MYO1C: variants seen among roughly 807,000 people sequenced by gnomAD.
MYO1C encodes the protein myosin IC.
Under a neutral mutation model 150.8 loss-of-function variants are expected in MYO1C, and 104 were observed. The ratio of observed to expected loss-of-function variants is 0.69; its 90% CI spans 0.59 to 0.81. The LOEUF (loss-of-function observed/expected upper bound fraction) is 0.81. Among genes scored for constraint, MYO1C ranks in the 30% least tolerant of loss-of-function variants. The pLI is 0.00. For missense variants in MYO1C, 1,504 were observed against 1,435.0 expected, an observed-to-expected ratio of 1.05 and a Z score of -0.78; for synonymous variants, 663 against 579.9, an observed-to-expected ratio of 1.14 and a Z score of -2.06.
In MYO1C at chr17:1,468,415, T is replaced by A; in HGVS notation, c.2692A>T (p.Ser898Cys). ...GTCAGGGGCTCACCAAGCCGAGTGC[T>A]GATGAAGAGCCTGGGTACACTCTGA... ...YPQSVPRLFI[S>C]TRLGTDEISP... Residue 898 changes from serine (S) to cysteine (C), a missense_variant, in exon 26 of 32, where the codon AGC becomes TGC. Coordinates refer to ENST00000648651, the MANE Select transcript of MYO1C (RefSeq NM_001080779.2). 1 of 1,614,016 alleles carries A rather than the reference T, an allele frequency of 6.2e-7. No individual in the cohort carries two copies. Among genetic ancestry groups the A allele is most frequent in the Non-Finnish European group, 8.5e-7 (1 of 1,179,948 alleles).
intron 31 of MYO1C, 29 bp from the exon 32 acceptor site, chr17:1,465,781 G>A (rs1295121208): frequency 7.6e-7 from 1 of 1,316,616 alleles, no homozygotes; most frequent in Non-Finnish European, 9.8e-7. Flanking sequence ...ACGGCCAAGT[G>A]GTGAGGGGAG....
rs1047464311 is a variant in MYO1C, at chr17:1,464,191, A to G, written c.*1535T>C. 3.3e-5 allele frequency: 5 copies of G among 152,658 alleles called. No individual in the cohort carries two copies. The highest frequency in any genetic ancestry group is 1.2e-4 in the African/African-American group (5 of 41,462). 9.5% of individuals were successfully genotyped at this position (152,658 alleles called of 1,614,324 possible). ...ATATTCATAAGGAGACCACATTGGC[A>G]AACACGTATTGCTTTATTTAGTGTT... On this transcript the variant is annotated 3_prime_UTR_variant, in exon 32 of 32. Transcript: ENST00000648651.
chr17:1,473,194 C>T (rs1031508237), intron 17 of MYO1C, among the ~76,000 whole-genome samples: 9 of 152,142 alleles, frequency 5.9e-5, no homozygotes, highest in African/African-American at 2.2e-4. Context: ...AGCGAGACTC[C>T]GTCTCAAAAA....
chr17:1,478,174 G>T lies in MYO1C; in HGVS notation c.1314C>A (p.Ile438=), dbSNP rs771277501. The change falls in exon 12 of 32, where the codon ATC becomes ATA. Residue 438 remains isoleucine, a synonymous_variant. Coordinates refer to ENST00000648651, the MANE Select transcript of MYO1C (RefSeq NM_001080779.2). This position sits in a 1 kb window ranked among gnomAD's most constrained non-coding sequence, Gnocchi z 6.3. ...GCTGCAGCTTCTCGTTGCAGTAATT[G>T]ATGCAGAACTGCTCAAAGCTGTAAG... ...FQHNSFEQFC[I]NYCNEKLQQL... 18 of 1,613,892 alleles carry T rather than the reference G, an allele frequency of 1.1e-5. No individual in the cohort carries two copies. Among genetic ancestry groups the T allele is most frequent in the Non-Finnish European group, 1.5e-5 (18 of 1,180,002 alleles).
In MYO1C at chr17:1,468,556, A is replaced by C. The variant is rs1598320985; in HGVS notation, c.2611-60T>G. The C allele has an allele frequency of 2.6e-5, 37 of 1,409,182 alleles. No individual in the cohort carries two copies. In the East Asian group the frequency reaches 8.2e-4, roughly 31 times the overall value. The allele number at this position is 1,409,182 out of a possible 1,614,324, so 87.3% of individuals were successfully genotyped here. On this transcript the variant is annotated intron_variant, in intron 25 of 31. Coordinates refer to ENST00000648651, the MANE Select transcript of MYO1C (RefSeq NM_001080779.2). Reference sequence around the variant, plus strand: ...GTGGGGAGCACCATCTTGGGGGGGCAGAGCCAGCCTTAGGACCTGAGACAG... The same window carrying C: ...GTGGGGAGCACCATCTTGGGGGGGCCGAGCCAGCCTTAGGACCTGAGACAG...
chr17:1,488,130 C>A (rs1034621314), intron 1 of MYO1C, among the ~76,000 whole-genome samples: 1 of 152,112 alleles, frequency 6.6e-6, no homozygotes, highest in Non-Finnish European at 1.5e-5. Flanking sequence ...GAGGACGGGG[C>A]GGAGCTTCGC....
rs1287067998 is a variant in MYO1C, at chr17:1,474,843, T to G, written c.1685A>C (p.Asn562Thr). The G allele has an allele frequency of 1.1e-4, 175 of 1,613,628 alleles. No individual in the cohort carries two copies. Among genetic ancestry groups the G allele is most frequent in the Non-Finnish European group, 1.4e-4 (170 of 1,179,930 alleles). ...AAGGTTCCGGAAGAGAAGGTCATTG[T>G]TTTTGTCCAGAAACCCTGGGAGGGG... ...TYSVTGFLDKNNDLLFRNLKE... is the reference protein window; with the variant it reads ...TYSVTGFLDKTNDLLFRNLKE... The change falls in exon 16 of 32, where the codon AAC (asparagine) becomes ACC (threonine). Residue 562 changes from asparagine (N) to threonine (T), a missense_variant. By Grantham distance (65) the Asn-to-Thr change is moderately conservative. Coordinates refer to ENST00000648651, the MANE Select transcript of MYO1C (RefSeq NM_001080779.2).
Position 1,482,976 on chromosome 17 carries a change from G to A in MYO1C, c.431C>T (p.Ala144Val). ...QAVMISGESG[A>V]GKTEATKRLL... ...CCTCTTGGTGGCCTCGGTCTTGCCT[G>A]CCCCGCTCTCCCCAGAGATCATCAC... The change falls in exon 4 of 32, where the codon GCA becomes GTA. Residue 144 changes from alanine to valine, a missense_variant. Transcript: ENST00000648651. The A allele has an allele frequency of 1.2e-6, 2 of 1,612,548 alleles. No homozygotes were observed. Among genetic ancestry groups the A allele is most frequent in the South Asian group, 1.1e-5 (1 of 90,996 alleles).
chr17:1,484,598 T>C (rs181656893), intron 1 of MYO1C: 2 of 554,524 alleles, frequency 3.6e-6, no homozygotes, highest in East Asian at 6.2e-5. Context: ...ACACAGGGCA[T>C]GGACGCAGGC....
rs984957160 is a variant in MYO1C, at chr17:1,478,034, C to A, written c.1401+53G>T. On this transcript the variant is annotated intron_variant, in intron 12 of 31. Coordinates refer to ENST00000648651, the MANE Select transcript of MYO1C (RefSeq NM_001080779.2). This position sits in a 1 kb window ranked among gnomAD's most constrained non-coding sequence, Gnocchi z 6.3. ...TCCTGGCACCCTCTCCCAGGGGCCC[C>A]GATACCCAGGCTCCCCGTGGCCCAC... 1.9e-6 allele frequency: 3 copies of A among 1,612,462 alleles called. No homozygotes were observed. Among genetic ancestry groups the A allele is most frequent in the Non-Finnish European group, 2.5e-6 (3 of 1,178,690 alleles).
intron 2 of MYO1C, 47 bp downstream of exon 2, chr17:1,484,101 G>C (rs780581065): frequency 1.9e-6 from 3 of 1,605,792 alleles, no homozygotes; most frequent in Non-Finnish European, 2.5e-6. Flanking sequence ...CCGCTTGCCT[G>C]TGTCTGTGAC....
intron 14 of MYO1C, 93 bp from the exon 15 acceptor site, chr17:1,475,125 C>G (rs1363203412): frequency 1.5e-6 from 2 of 1,291,160 alleles, no homozygotes; most frequent in Non-Finnish European, 2.2e-6. Context: ...AACCAGCTGC[C>G]CAGGTGCACC....
chr17:1,466,338 T>C (rs1175194329), intron 31 of MYO1C, among the ~76,000 whole-genome samples: 2 of 152,032 alleles, frequency 1.3e-5, no homozygotes, highest in Non-Finnish European at 2.9e-5. Flanking sequence ...CTTTTTTGTA[T>C]ACAAATTCTG....
intron 14 of MYO1C, 93 bp downstream of exon 14, chr17:1,477,412 G>T: frequency 8.7e-7 from 1 of 1,153,218 alleles, no homozygotes. Flanking sequence ...CCTCCTTGTG[G>T]CTGGTGTTTT....
intron 1 of MYO1C, chr17:1,484,872 T>TCCCCC: frequency 2.9e-6 from 1 of 341,200 alleles, no homozygotes; most frequent in Non-Finnish European, 5.6e-6. Context: ...GGGCCGTCTC[T>TCCCCC]CCCACCCAGA....
At chr17:1,469,399 G>C in intron 25 of MYO1C, 132 bp downstream of exon 25, 1 of 887,578 alleles carries the variant, frequency 1.1e-6, no homozygotes, top group Non-Finnish European at 1.8e-6. Context: ...ACGGTAGATC[G>C]GGGTAAATAC....
At chr17:1,485,673 C>T (rs1180222984) in intron 1 of MYO1C, 1 of 1,211,984 alleles carries the variant, frequency 8.3e-7, no homozygotes, top group Non-Finnish European at 1.0e-6. Flanking sequence ...CCCCGCCCTG[C>T]CCCGCCGCCC....
chr17:1,478,468 T>C lies in MYO1C; in HGVS notation c.1237A>G (p.Ser413Gly). 1 of 1,614,142 alleles carries C rather than the reference T, an allele frequency of 6.2e-7. No individual in the cohort carries two copies. Among genetic ancestry groups the C allele is most frequent in the Non-Finnish European group, 8.5e-7 (1 of 1,180,032 alleles). Reference sequence around the variant, plus strand: ...TCCAGGAGCCCGAGAACCGTGGTGCTCCGCCAGCTGGGGCTCTCCACGTCC... The same window carrying C: ...TCCAGGAGCCCGAGAACCGTGGTGCCCCGCCAGCTGGGGCTCTCCACGTCC... The part of the protein sequence containing the change: ...SKDVESPSWR[S>G]TTVLGLLDIY... Residue 413 changes from serine to glycine, a missense_variant, in exon 11 of 32, where the codon AGC (serine) becomes GGC (glycine). Ser to Gly is a moderately conservative substitution (Grantham distance 56). Coordinates refer to ENST00000648651, the MANE Select transcript of MYO1C (RefSeq NM_001080779.2). The surrounding 1 kb of genome is among the most constrained non-coding windows in gnomAD (Gnocchi z 6.3).
intron 1 of MYO1C, chr17:1,485,300 G>A: frequency 1.8e-6 from 2 of 1,113,376 alleles, no homozygotes; most frequent in South Asian, 2.0e-5. Flanking sequence ...GGTGGTGATT[G>A]GGGGTGGATC....
Sources: allele counts gnomAD v4.1 joint callset (sites outside exome capture counted in the v4.1 genomes callset), GRCh38; gene constraint gnomAD v4.1.1; non-coding constraint Gnocchi (gnomAD v3.1); transcripts MANE v1.5; gene names NCBI Gene and HGNC (gene_info 2026-07-23, HGNC 2026-07-21).